FBXO34: variants seen among roughly 807,000 people sequenced by gnomAD.
FBXO34 encodes F-box protein 34, also known as F-box only protein 34.
Under a neutral mutation model 24.5 loss-of-function variants are expected in FBXO34, and 12 were observed. That is an observed-to-expected ratio of 0.49 (90% confidence interval 0.31 to 0.79). FBXO34 has a LOEUF of 0.79. FBXO34 is among the 30% of genes least tolerant of loss of function. FBXO34 has a pLI of 0.04. For synonymous variants in FBXO34, 320 were observed against 311.9 expected (o/e 1.03, Z -0.27); for missense variants, 823 against 857.7 (o/e 0.96, Z 0.51).
chr14:55,341,639 C>G (rs547298269), intron 1 of FBXO34, among the ~76,000 whole-genome samples: 202 of 152,232 alleles, frequency 1.3e-3, no homozygotes, highest in South Asian at 5.4e-3. Flanking sequence ...ATGTATTTTT[C>G]AAAATGTATT....
intron 1 of FBXO34, among the ~76,000 whole-genome samples, chr14:55,299,725 A>G (rs1882280949): frequency 6.6e-6 from 1 of 152,246 alleles, no homozygotes; most frequent in African/African-American, 2.4e-5. Flanking sequence ...GTTTGTGGTT[A>G]TCACTTTTAA....
intron 1 of FBXO34, among the ~76,000 whole-genome samples, chr14:55,278,846 G>T (rs560809055): frequency 6.6e-6 from 1 of 152,060 alleles, no homozygotes; most frequent in Non-Finnish European, 1.5e-5. Context: ...ACCACCACAC[G>T]CAGCTAATTT....
rs192419433 is a variant in FBXO34, at chr14:55,278,932, C to T, written c.-11+7395C>T. Among the ~76,000 whole-genome samples the T allele has an allele frequency of 7.7e-4, 118 of 152,338 alleles. 4 individuals are homozygous for T. The East Asian group carries it at 0.019, about 24-fold the overall frequency. On this transcript the variant is annotated intron_variant, in intron 1 of 1. Transcript: ENST00000313833. ...GAGTTCCTGGGCTCAAGCCATCCTC[C>T]TGCCTTGGCCTCCCAAAATGCTGGG...
At chr14:55,389,730 T>C in the FBXO34 span, among the ~76,000 whole-genome samples, 4 of 152,224 alleles carry the variant, frequency 2.6e-5, no homozygotes, top group African/African-American at 9.6e-5. Flanking sequence ...ATATAAAAAC[T>C]GCTCTTGGAG....
intron 1 of FBXO34, among the ~76,000 whole-genome samples, chr14:55,328,902 A>C (rs990725570): frequency 2.0e-5 from 3 of 152,044 alleles, no homozygotes; most frequent in Non-Finnish European, 4.4e-5. Context: ...GCATGTGTGC[A>C]TTTTGTATTC....
intron 1 of FBXO34, among the ~76,000 whole-genome samples, chr14:55,327,370 A>C (rs1007851723): frequency 1.3e-5 from 2 of 152,170 alleles, no homozygotes; most frequent in African/African-American, 4.8e-5. Flanking sequence ...AGATGATGGA[A>C]CTTCCCCTTT....
intron 1 of FBXO34, among the ~76,000 whole-genome samples, chr14:55,313,044 T>A (rs1459384339): frequency 6.6e-6 from 1 of 152,234 alleles, no homozygotes; most frequent in African/African-American, 2.4e-5. Context: ...TCTGCTTCCT[T>A]TTTAAACTTA....
chr14:55,272,683 A>T (rs1469834474), intron 1 of FBXO34, among the ~76,000 whole-genome samples: 1 of 151,992 alleles, frequency 6.6e-6, no homozygotes, highest in Non-Finnish European at 1.5e-5. Flanking sequence ...TTAAATAATA[A>T]TTACCTGAGG....
At chr14:55,316,546 G>T (rs1007407025) in intron 1 of FBXO34, among the ~76,000 whole-genome samples, 1 of 145,448 alleles carries the variant, frequency 6.9e-6, no homozygotes, top group African/African-American at 2.6e-5. Context: ...GGGCAACATG[G>T]CAAAACCCTG....
chr14:55,348,553 A>G (rs1450256004), intron 1 of FBXO34, among the ~76,000 whole-genome samples: 1 of 151,958 alleles, frequency 6.6e-6, no homozygotes, highest in East Asian at 1.9e-4. Context: ...CTGTTTTCAG[A>G]TACCAGTTTT....
downstream of FBXO34, chr14:55,370,049 A>C: frequency 1.2e-6 from 1 of 863,958 alleles, no homozygotes; most frequent in Non-Finnish European, 1.7e-6. Context: ...TTCATTCCCC[A>C]AGTCTATGCA....
the FBXO34 span, among the ~76,000 whole-genome samples, chr14:55,411,388 G>T: frequency 6.6e-6 from 1 of 152,194 alleles, no homozygotes; most frequent in Non-Finnish European, 1.5e-5. Context: ...CCTCTTGGGT[G>T]GGTGATGGGG....
At chr14:55,367,220 A>G (rs1258678998) in exon 3 of FBXO34, 1 of 152,214 alleles carries the variant, frequency 6.6e-6, no homozygotes, top group Non-Finnish European at 1.5e-5. Flanking sequence ...AGCTGAAGTC[A>G]GTCTCCACCA....
intron 1 of FBXO34, among the ~76,000 whole-genome samples, chr14:55,293,781 A>G (rs1256951883): frequency 6.6e-6 from 1 of 151,936 alleles, no homozygotes; most frequent in Non-Finnish European, 1.5e-5. Flanking sequence ...GACCTAGCAC[A>G]TGGGTATTGT....
chr14:55,335,146 C>T (rs1883731985), intron 1 of FBXO34, among the ~76,000 whole-genome samples: 2 of 152,140 alleles, frequency 1.3e-5, no homozygotes, highest in Admixed American at 6.5e-5. Flanking sequence ...AAAGGAGTTC[C>T]TTAGCATTAT....
At chr14:55,432,869 G>A in the FBXO34 span, among the ~76,000 whole-genome samples, 1 of 152,188 alleles carries the variant, frequency 6.6e-6, no homozygotes, top group African/African-American at 2.4e-5. Flanking sequence ...GTGAGATCCA[G>A]GAGAGATGAG....
chr14:55,354,911 C>T (rs1337332538), downstream of FBXO34, among the ~76,000 whole-genome samples: 1 of 152,142 alleles, frequency 6.6e-6, no homozygotes, highest in African/African-American at 2.4e-5. Context: ...CAAGAAAGGA[C>T]ATGATAGTGT....
the FBXO34 span, among the ~76,000 whole-genome samples, chr14:55,408,442 G>T: frequency 1.3e-5 from 2 of 151,926 alleles, no homozygotes; most frequent in African/African-American, 4.8e-5. Context: ...TACAGGGTGA[G>T]ACCCTGTCCC....
chr14:55,369,586 G>A, downstream of FBXO34: 1 of 1,457,444 alleles, frequency 6.9e-7, no homozygotes, highest in African/African-American at 1.4e-5. Context: ...GAACTTTCTT[G>A]ATGCAGATTT....
Sources: allele counts gnomAD v4.1 joint callset (sites outside exome capture counted in the v4.1 genomes callset), GRCh38; gene constraint gnomAD v4.1.1; transcripts MANE v1.5; gene names NCBI Gene and HGNC (gene_info 2026-07-23, HGNC 2026-07-21).